NUP160: variants seen among roughly 807,000 people sequenced by gnomAD.
NUP160 encodes the protein nucleoporin 160.
NUP160 carries 94 observed loss-of-function variants against 196.9 expected under a neutral mutation model. The ratio of observed to expected loss-of-function variants is 0.48; its 90% CI spans 0.40 to 0.57. The LOEUF (loss-of-function observed/expected upper bound fraction) is 0.57. NUP160 is among the 20% of genes least tolerant of loss of function. NUP160 has a pLI of 0.00. For synonymous variants in NUP160, 605 were observed against 619.7 expected (o/e 0.98, Z 0.35); for missense variants, 1,638 against 1,748.3 (o/e 0.94, Z 1.13).
intron 8 of NUP160, 23 bp downstream of exon 8, chr11:47,822,064 A>T (rs570606079): frequency 6.7e-7 from 1 of 1,482,304 alleles, no homozygotes; most frequent in Non-Finnish European, 9.4e-7. Flanking sequence ...CTTATGTGAT[A>T]TGCAAAGGAT....
chr11:47,786,139 G>A (rs1478235226), intron 32 of NUP160, among the ~76,000 whole-genome samples: 3 of 151,934 alleles, frequency 2.0e-5, no homozygotes, highest in African/African-American at 7.2e-5. Context: ...AGAAATGGGG[G>A]AAAAAAGGAG....
intron 19 of NUP160, 26 bp downstream of exon 19, chr11:47,807,044 A>G (rs533976613): frequency 2.6e-6 from 4 of 1,510,848 alleles, no homozygotes; most frequent in Non-Finnish European, 9.1e-7. Flanking sequence ...GTTTAAAATG[A>G]AATGTGTACA....
chr11:47,806,790 TACACAC>T (rs57141346), intron 19 of NUP160, among the ~76,000 whole-genome samples: 11,253 of 111,548 alleles, frequency 0.1, 554 homozygotes, highest in Non-Finnish European at 0.11. Context: ...AAAGCAGCTA[TACACAC>T]ACACACACAC....
rs1324239453 is a variant in NUP160 at position 47,815,476 on chromosome 11, T to C, written c.1686+3A>G. The C allele has an allele frequency of 1.3e-6, 2 of 1,588,106 alleles. No individual in the cohort carries two copies. Among genetic ancestry groups the C allele is most frequent in the East Asian group, 2.3e-5 (1 of 44,274 alleles). ...GGTCTTCTCTATGCTTTAGCTCACT[T>C]ACTTTTTTCAGCAGGCACACCATGT... On this transcript the variant is annotated splice_donor_region_variant and intron_variant, in intron 13 of 35. Coordinates refer to ENST00000378460, the Ensembl canonical transcript of NUP160.
chr11:47,815,976 C>A (rs1191383217), exon 12 of NUP160: 1 of 1,613,574 alleles, frequency 6.2e-7, no homozygotes, highest in East Asian at 2.2e-5. Context: ...TAACTTCTTT[C>A]TTCAGTTCAC....
intron 27 of NUP160, among the ~76,000 whole-genome samples, chr11:47,796,836 G>A (rs1207738805): frequency 6.6e-6 from 1 of 152,108 alleles, no homozygotes. Context: ...GAGATTACAG[G>A]CATCCGCCAC....
At chr11:47,788,364 G>A in intron 30 of NUP160, 59 bp from the exon 31 acceptor site, 1 of 1,606,352 alleles carries the variant, frequency 6.2e-7, no homozygotes, top group Non-Finnish European at 8.5e-7. Flanking sequence ...TGAAACCAAA[G>A]ATTTTGTTTT....
At chr11:47,796,135 C>T (rs144503938) in intron 27 of NUP160, 78 of 267,414 alleles carry the variant, frequency 2.9e-4, no homozygotes, top group Admixed American at 4.2e-4. Context: ...CCCTGGGCAA[C>T]GGAGTGAGAC....
chr11:47,838,292 G>C (rs1010874756), intron 4 of NUP160, among the ~76,000 whole-genome samples: 8 of 152,178 alleles, frequency 5.3e-5, no homozygotes, highest in African/African-American at 1.9e-4. Context: ...TTACAAGAAG[G>C]CATGTGGCTG....
At position 47,801,249 on chromosome 11, in the gene NUP160, C is replaced by T. The variant is rs376496519; in HGVS notation, c.2895+562G>A. On this transcript the variant is annotated intron_variant, in intron 23 of 35. Coordinates refer to ENST00000378460, the Ensembl canonical transcript of NUP160. ...CAACTGGGCTAATAAAATACCATGA[C>T]GAAAATTTCATTTCAGTTAAAAGTA... Among the ~76,000 whole-genome samples, 16 of 152,194 alleles carry T rather than the reference C, an allele frequency of 1.1e-4. No homozygotes were observed. The East Asian group carries it at 1.4e-3, about 13-fold the overall frequency.
At chr11:47,835,584 G>T in intron 7 of NUP160, 67 bp downstream of exon 7, 2 of 1,343,008 alleles carry the variant, frequency 1.5e-6, no homozygotes, top group Non-Finnish European at 2.0e-6. Context: ...GACTCACTGA[G>T]TCTACAGCCA....
intron 9 of NUP160, among the ~76,000 whole-genome samples, chr11:47,820,533 A>G (rs1851836223): frequency 6.6e-6 from 1 of 151,802 alleles, no homozygotes; most frequent in African/African-American, 2.4e-5. Flanking sequence ...ACACCTGGCT[A>G]GTTTATTTTA....
chr11:47,841,293 G>A, intron 2 of NUP160: 1 of 292,620 alleles, frequency 3.4e-6, no homozygotes, highest in Non-Finnish European at 7.1e-6. Flanking sequence ...TCTCACTGCT[G>A]CACAGGGTTT....
chr11:47,807,031 C>A, intron 19 of NUP160, 39 bp downstream of exon 19: 1 of 1,413,574 alleles, frequency 7.1e-7, no homozygotes, highest in South Asian at 1.2e-5. Flanking sequence ...CAATAAATCC[C>A]CAGTTTAAAA....
At chr11:47,827,494 G>A (rs1851995012) in intron 7 of NUP160, among the ~76,000 whole-genome samples, 1 of 152,026 alleles carries the variant, frequency 6.6e-6, no homozygotes, top group South Asian at 2.1e-4. Flanking sequence ...TAGGAATGAG[G>A]CAAAGATGCA....
intron 23 of NUP160, among the ~76,000 whole-genome samples, chr11:47,799,966 C>T (rs7107116): frequency 0.93 from 141,260 of 152,182 alleles, 66,488 homozygotes; most frequent in East Asian, 1. Flanking sequence ...ATAAAAAGTA[C>T]AGCATGGCCA....
At chr11:47,805,320 G>A (rs759027031) in intron 20 of NUP160, among the ~76,000 whole-genome samples, 82 of 152,136 alleles carry the variant, frequency 5.4e-4, no homozygotes, top group Non-Finnish European at 2.1e-4. Context: ...TTGTAGAGGC[G>A]AGGTTTCACC....
chr11:47,810,289 C>T (rs1173009862), intron 17 of NUP160, among the ~76,000 whole-genome samples: 1 of 152,000 alleles, frequency 6.6e-6, no homozygotes, highest in Non-Finnish European at 1.5e-5. Flanking sequence ...CCTCAACCTC[C>T]CAGGCTCAGG....
At chr11:47,835,273 C>T (rs1251756428) in intron 7 of NUP160, among the ~76,000 whole-genome samples, 1 of 152,186 alleles carries the variant, frequency 6.6e-6, no homozygotes, top group African/African-American at 2.4e-5. Context: ...TATTACATCA[C>T]ATCCTACGTA....
Sources: gnomAD v4.1 joint callset for allele counts (sites outside exome capture counted in the v4.1 genomes callset) on GRCh38, gnomAD v4.1.1 for gene constraint, MANE v1.5 for transcripts, NCBI Gene and HGNC (gene_info 2026-07-23, HGNC 2026-07-21) for gene names.